CCDC80: variants seen among roughly 807,000 people sequenced by gnomAD.
CCDC80 encodes coiled-coil domain containing 80.
Under a neutral mutation model 78.7 loss-of-function variants are expected in CCDC80, and 49 were observed. The observed-to-expected ratio is 0.62, with a 90% CI of 0.50 to 0.79. CCDC80 has a LOEUF of 0.79. CCDC80 is among the 30% of genes least tolerant of loss of function. The pLI is 0.00. For synonymous variants in CCDC80, 488 were observed against 447.0 expected, an observed-to-expected ratio of 1.09 and a Z score of -1.16; for missense variants, 1,205 against 1,198.6, an observed-to-expected ratio of 1.01 and a Z score of -0.08.
At chr3:112,609,915 T>C (rs1935589736) in intron 6 of CCDC80, 63 bp downstream of exon 6, 4 of 1,187,136 alleles carry the variant, frequency 3.4e-6, no homozygotes, top group Non-Finnish European at 4.9e-6. Context: ...CTATGTTCCA[T>C]TTTAGAATTG....
rs1935350581 is a variant in CCDC80 at position 112,600,267 on chromosome 3, AATG to A, written c.*5147_*5149del. On this transcript the variant is annotated 3_prime_UTR_variant, in exon 8 of 8. Transcript: ENST00000206423. ...CTATGTCTTATTTTATAGTCCTCCA[AATG>A]ATGATCTATGACTTCTCTGCCTGCT... 1 of 152,194 alleles carries A rather than the reference AATG, an allele frequency of 6.6e-6. No individual in the cohort carries two copies. The highest frequency in any genetic ancestry group is 2.1e-4 in the South Asian group (1 of 4,832). 9.4% of individuals were successfully genotyped at this position (152,194 alleles called of 1,614,324 possible). A position where few individuals can be genotyped will look rare whatever the true frequency, so the allele number is the denominator to read the frequency against.
chr3:112,616,155 A>G (rs1935736148), intron 5 of CCDC80, among the ~76,000 whole-genome samples: 1 of 152,164 alleles, frequency 6.6e-6, no homozygotes, highest in Non-Finnish European at 1.5e-5. Flanking sequence ...GGGTTGCCAC[A>G]AGATGGCCTT....
chr3:112,607,304 TATC>T (rs2107470021), intron 6 of CCDC80, 48 bp from the exon 7 acceptor site: 1 of 1,393,408 alleles, frequency 7.2e-7, no homozygotes, highest in East Asian at 2.3e-5. Context: ...GATTAGAAGT[TATC>T]TTTTACTTCA....
At chr3:112,606,789 T>C (rs1027686565) in intron 7 of CCDC80, among the ~76,000 whole-genome samples, 1 of 59,496 alleles carries the variant, frequency 1.7e-5, no homozygotes, top group African/African-American at 2.8e-5. Context: ...TGTCCTTATC[T>C]GTTGAAAGGG....
intron 5 of CCDC80, among the ~76,000 whole-genome samples, chr3:112,611,519 T>C (rs1341036847): frequency 6.6e-6 from 1 of 152,232 alleles, no homozygotes; most frequent in Non-Finnish European, 1.5e-5. Context: ...TTCCCCATTA[T>C]GCAGATAACA....
At chr3:112,606,251 G>C (rs1362993433) in intron 7 of CCDC80, among the ~76,000 whole-genome samples, 1 of 152,234 alleles carries the variant, frequency 6.6e-6, no homozygotes, top group Non-Finnish European at 1.5e-5. Context: ...ATAGTGAAAA[G>C]AATAGAGGGG....
intron 3 of CCDC80, among the ~76,000 whole-genome samples, chr3:112,620,700 T>C (rs1052770998): frequency 6.6e-6 from 1 of 152,152 alleles, no homozygotes; most frequent in Admixed American, 6.5e-5. Flanking sequence ...AAGGAACATA[T>C]TTTACTTTGT....
In CCDC80 at chr3:112,638,342, C is replaced by A; in HGVS notation, c.1564G>T (p.Asp522Tyr). ...GGAACATTCCCCACCTGCAGCTCGT[C>A]CTCCAGCTGAGAGGCAGTAGGCCGG... ...LSRPTASQLE[D>Y]ELQVGNVPLK... The change falls in exon 2 of 8, where the codon GAC (aspartate) becomes TAC (tyrosine). Residue 522 changes from aspartate (D) to tyrosine (Y), a missense_variant. Transcript: ENST00000206423. 6.2e-7 allele frequency: 1 copy of A among 1,614,150 alleles called. No individual in the cohort carries two copies. The highest frequency in any genetic ancestry group is 8.5e-7 in the Non-Finnish European group (1 of 1,180,020).
Position 112,630,240 on chromosome 3 carries a change from A to G in CCDC80, c.1908T>C (p.Asn636=). 6.2e-7 allele frequency: 1 copy of G among 1,613,868 alleles called. No homozygotes were observed. Among genetic ancestry groups the G allele is most frequent in the Non-Finnish European group, 8.5e-7 (1 of 1,179,812 alleles). Reference sequence around the variant, plus strand: ...ATTCATCACGTTGTTGCACATACATATTGTTCTCAGCCTTGGGAGCAGTGA... The same window carrying G: ...ATTCATCACGTTGTTGCACATACATGTTGTTCTCAGCCTTGGGAGCAGTGA... ...LLITAPKAEN[N]MYVQQRDEYL... is the part of the protein sequence containing the mutation. Residue 636 remains asparagine, a synonymous_variant, in exon 3 of 8, where the codon AAT becomes AAC. Coordinates refer to ENST00000206423, the MANE Select transcript of CCDC80 (RefSeq NM_199511.3).
At chr3:112,628,632 T>C (rs887901516) in intron 3 of CCDC80, among the ~76,000 whole-genome samples, 2 of 152,208 alleles carry the variant, frequency 1.3e-5, no homozygotes, top group Non-Finnish European at 2.9e-5. Flanking sequence ...GATTTAAATC[T>C]GTCTGTCTCC....
At chr3:112,608,354 A>AT (rs993776357) in intron 6 of CCDC80, among the ~76,000 whole-genome samples, 1 of 151,730 alleles carries the variant, frequency 6.6e-6, no homozygotes, top group African/African-American at 2.4e-5. Context: ...ATTCAAAAAA[A>AT]TTTTTTTTTC....
Position 112,617,132 on chromosome 3 carries a change from T to C in CCDC80, c.2173-274A>G, listed in dbSNP as rs565315125. ...GTCCATGCCTTCCTCACCATACAAG[T>C]CCTAGGTTCACCTCTCTACCTTTGG... On this transcript the variant is annotated intron_variant, in intron 4 of 7. Transcript: ENST00000206423. 7.2e-5 allele frequency among the ~76,000 whole-genome samples: 11 copies of C among 152,290 alleles called. No individual in the cohort carries two copies. The South Asian group carries it at 2.3e-3, about 32-fold the overall frequency.
At chr3:112,620,760 A>G (rs1935847756) in intron 3 of CCDC80, among the ~76,000 whole-genome samples, 2 of 152,218 alleles carry the variant, frequency 1.3e-5, no homozygotes, top group Admixed American at 1.3e-4. Flanking sequence ...TGCTTTTTAA[A>G]AAATGTTCTT....
chr3:112,637,470 G>C (rs1042186634), intron 2 of CCDC80, among the ~76,000 whole-genome samples: 4 of 152,180 alleles, frequency 2.6e-5, no homozygotes, highest in Non-Finnish European at 4.4e-5. Context: ...TCCCCACCCA[G>C]GCTGTCTTAC....
At chr3:112,616,434 G>GAA (rs138795484) in intron 5 of CCDC80, among the ~76,000 whole-genome samples, 33 of 35,932 alleles carry the variant, frequency 9.2e-4, no homozygotes, top group African/African-American at 1.2e-3. Context: ...CAAAGAAAGA[G>GAA]AAAAAAAAAG....
chr3:112,610,921 T>TA (rs1230752800), intron 5 of CCDC80, among the ~76,000 whole-genome samples: 6 of 146,286 alleles, frequency 4.1e-5, no homozygotes, highest in Non-Finnish European at 7.5e-5. Context: ...CTTTCTTTTT[T>TA]TTTTTTTTTT....
At chr3:112,617,498 T>C (rs1935776611) in intron 4 of CCDC80, among the ~76,000 whole-genome samples, 1 of 152,194 alleles carries the variant, frequency 6.6e-6, no homozygotes, top group South Asian at 2.1e-4. Context: ...GAGAGCAGTC[T>C]GGACATGGCT....
At chr3:112,623,236 T>A (rs1935903280) in intron 3 of CCDC80, among the ~76,000 whole-genome samples, 1 of 152,236 alleles carries the variant, frequency 6.6e-6, no homozygotes, top group African/African-American at 2.4e-5. Flanking sequence ...AATTTTTTCA[T>A]GTATTTGTCC....
chr3:112,605,788 T>C (rs1342769539), intron 7 of CCDC80, 25 bp from the exon 8 acceptor site: 2 of 1,574,110 alleles, frequency 1.3e-6, no homozygotes, highest in Admixed American at 1.7e-5. Flanking sequence ...GAATAGTTAT[T>C]GTTAGTAGAT....
Sources: allele counts gnomAD v4.1 joint callset (sites outside exome capture counted in the v4.1 genomes callset), GRCh38; gene constraint gnomAD v4.1.1; transcripts MANE v1.5; gene names NCBI Gene and HGNC (gene_info 2026-07-23, HGNC 2026-07-21).